MOB3B: variants seen among roughly 807,000 people sequenced by gnomAD.
The protein encoded by MOB3B is MOB kinase activator 3B, also known as MOB kinase activator-like 2B.
MOB3B carries 7 observed loss-of-function variants against 18.7 expected under a neutral mutation model. The ratio of observed to expected loss-of-function variants is 0.37; its 90% CI spans 0.21 to 0.70. The LOEUF is 0.70. Among genes scored for constraint, MOB3B ranks in the 30% least tolerant of loss-of-function variants. MOB3B has a pLI of 0.52. For missense variants in MOB3B, 253 were observed against 281.3 expected, an observed-to-expected ratio of 0.90 and a Z score of 0.72; for synonymous variants, 111 against 99.9, an observed-to-expected ratio of 1.11 and a Z score of -0.66.
chr9:27,413,525 C>T (rs1196329963), intron 2 of MOB3B, among the ~76,000 whole-genome samples: 1 of 152,182 alleles, frequency 6.6e-6, no homozygotes, highest in Non-Finnish European at 1.5e-5. Flanking sequence ...AAAGCAGTTA[C>T]ATGTACGTGG....
At chr9:27,442,133 T>A (rs1822604020) in intron 2 of MOB3B, among the ~76,000 whole-genome samples, 1 of 152,208 alleles carries the variant, frequency 6.6e-6, no homozygotes, top group Non-Finnish European at 1.5e-5. Context: ...GGCTTATTAC[T>A]TTCTCAATTA....
intron 3 of MOB3B, among the ~76,000 whole-genome samples, chr9:27,353,682 C>A (rs1476634300): frequency 2.0e-5 from 3 of 152,148 alleles, no homozygotes; most frequent in African/African-American, 7.2e-5. Context: ...GTCCTCCCCA[C>A]CTCACGAATC....
chr9:27,515,170 C>A (rs1398439433), intron 1 of MOB3B, among the ~76,000 whole-genome samples: 1 of 152,188 alleles, frequency 6.6e-6, no homozygotes, highest in Non-Finnish European at 1.5e-5. Flanking sequence ...TTGAACTGTG[C>A]CCCGACTTCA....
chr9:27,514,376 A>AGTTGC (rs1167824006), intron 1 of MOB3B, among the ~76,000 whole-genome samples: 1 of 147,658 alleles, frequency 6.8e-6, no homozygotes, highest in Non-Finnish European at 1.5e-5. Context: ...AAAGACCACA[A>AGTTGC]GTTGCTTCCT....
chr9:27,461,422 AT>A (rs979827626), intron 1 of MOB3B, among the ~76,000 whole-genome samples: 2 of 152,098 alleles, frequency 1.3e-5, no homozygotes, highest in African/African-American at 2.4e-5. Context: ...CAGCTTTGCT[AT>A]TTTTTTCCCC....
At chr9:27,333,704 T>C (rs981963217) in intron 3 of MOB3B, among the ~76,000 whole-genome samples, 3 of 152,238 alleles carry the variant, frequency 2.0e-5, no homozygotes, top group Non-Finnish European at 2.9e-5. Flanking sequence ...TAACAGAAGA[T>C]CAAAGTAGAA....
chr9:27,404,030 C>T (rs1364235001), intron 2 of MOB3B, among the ~76,000 whole-genome samples: 1 of 152,072 alleles, frequency 6.6e-6, no homozygotes, highest in Non-Finnish European at 1.5e-5. Flanking sequence ...GAACTCACTC[C>T]TCATATCTAA....
At chr9:27,411,871 A>T (rs1822072123) in intron 2 of MOB3B, among the ~76,000 whole-genome samples, 1 of 152,228 alleles carries the variant, frequency 6.6e-6, no homozygotes, top group Non-Finnish European at 1.5e-5. Context: ...TTCACCAATT[A>T]TAACAAATGT....
chr9:27,473,033 C>CA (rs1207790085), intron 1 of MOB3B, among the ~76,000 whole-genome samples: 2 of 152,200 alleles, frequency 1.3e-5, no homozygotes, highest in Non-Finnish European at 2.9e-5. Flanking sequence ...TATTCCAACT[C>CA]AGAGATTTTA....
chr9:27,454,175 G>T (rs10511817), intron 2 of MOB3B, among the ~76,000 whole-genome samples: 19,122 of 152,192 alleles, frequency 0.13, 1,275 homozygotes, highest in African/African-American at 0.17. Context: ...CAACTTTCCA[G>T]GTGCTATGTG....
intron 2 of MOB3B, among the ~76,000 whole-genome samples, chr9:27,371,934 T>C (rs1821422744): frequency 6.6e-6 from 1 of 152,172 alleles, no homozygotes; most frequent in Middle Eastern, 3.2e-3. Context: ...CATTATTTAG[T>C]CTTATATAGC....
intron 3 of MOB3B, among the ~76,000 whole-genome samples, chr9:27,349,406 A>C (rs1041458151): frequency 6.6e-6 from 1 of 152,188 alleles, no homozygotes; most frequent in Admixed American, 6.5e-5. Context: ...ACCTTCCTTC[A>C]TTCAAACCCC....
chr9:27,457,177 G>T (rs2131451915), intron 1 of MOB3B, among the ~76,000 whole-genome samples: 1 of 152,306 alleles, frequency 6.6e-6, no homozygotes, highest in South Asian at 2.1e-4. Context: ...ACTTCGACTT[G>T]TCTTTCCTAC....
chr9:27,360,411 A>T (rs1413135284), intron 2 of MOB3B, among the ~76,000 whole-genome samples: 1 of 152,220 alleles, frequency 6.6e-6, no homozygotes, highest in Non-Finnish European at 1.5e-5. Flanking sequence ...AGGCTGAGCC[A>T]GGGGAATTGC....
At chr9:27,525,456 G>A (rs1820422655) in intron 1 of MOB3B, among the ~76,000 whole-genome samples, 1 of 152,160 alleles carries the variant, frequency 6.6e-6, no homozygotes, top group South Asian at 2.1e-4. Flanking sequence ...TGCTCGGGGG[G>A]AAAAAGGTTG....
At chr9:27,336,572 C>G (rs1050053074) in intron 3 of MOB3B, among the ~76,000 whole-genome samples, 2 of 152,060 alleles carry the variant, frequency 1.3e-5, no homozygotes, top group Non-Finnish European at 2.9e-5. Flanking sequence ...AACTCCTGCC[C>G]CTAGTAACCA....
chr9:27,492,553 G>C (rs962543614), intron 1 of MOB3B, among the ~76,000 whole-genome samples: 1 of 152,138 alleles, frequency 6.6e-6, no homozygotes, highest in African/African-American at 2.4e-5. Context: ...CTAGCATCTA[G>C]CACCATAAAT....
intron 2 of MOB3B, among the ~76,000 whole-genome samples, chr9:27,435,511 C>T (rs1411248314): frequency 6.6e-6 from 1 of 152,174 alleles, no homozygotes; most frequent in African/African-American, 2.4e-5. Context: ...ATTCTTTTAA[C>T]ATTCAAGTCT....
At chr9:27,384,594 C>G (rs1821624889) in intron 2 of MOB3B, among the ~76,000 whole-genome samples, 1 of 152,180 alleles carries the variant, frequency 6.6e-6, no homozygotes, top group Admixed American at 6.5e-5. Context: ...AACAATTCTT[C>G]CAGAACAATT....
Sources: allele counts gnomAD v4.1 joint callset (sites outside exome capture counted in the v4.1 genomes callset), GRCh38; gene constraint gnomAD v4.1.1; transcripts MANE v1.5; gene names NCBI Gene and HGNC (gene_info 2026-07-23, HGNC 2026-07-21).